STARD5: variants seen among roughly 807,000 people sequenced by gnomAD.
STARD5 encodes StAR related lipid transfer domain containing 5.
STARD5 carries 26 observed loss-of-function variants against 24.6 expected under a neutral mutation model. That is an observed-to-expected ratio of 1.06 (90% CI 0.77 to 1.47). The LOEUF is 1.47. Ranked by LOEUF, STARD5 falls within the 40% of genes most tolerant of loss-of-function variation. The probability of loss-of-function intolerance (pLI) is 0.00; values close to 1 mark genes in which losing one functional copy is unlikely to be tolerated. For synonymous variants in STARD5, 101 were observed against 99.7 expected, an observed-to-expected ratio of 1.01 and a Z score of -0.07; for missense variants, 254 against 270.8, an observed-to-expected ratio of 0.94 and a Z score of 0.44.
At position 81,309,889 on chromosome 15, in the gene STARD5, C is replaced by G. The variant is rs1223062138; in HGVS notation, c.*3367G>C. ...TTGATAAGAGGGCACACACTGTGTA[C>G]AGTAAATGGCTTATCCAGCTGGTGA... On this transcript the variant is annotated 3_prime_UTR_variant, in exon 6 of 6. Coordinates refer to ENST00000302824, the MANE Select transcript of STARD5 (RefSeq NM_181900.3). 1.3e-5 allele frequency: 2 copies of G among 152,262 alleles called. No individual in the cohort carries two copies. 9.4% of individuals were successfully genotyped at this position (152,262 alleles called of 1,614,324 possible).
At chr15:81,317,235 T>C (rs566385943) in intron 5 of STARD5, among the ~76,000 whole-genome samples, 4 of 149,690 alleles carry the variant, frequency 2.7e-5, no homozygotes, top group Admixed American at 6.7e-5. Flanking sequence ...CTTTGCTACC[T>C]GGCATGAGGG....
chr15:81,323,693 A>G (rs1166046731), intron 1 of STARD5: 1 of 928,498 alleles, frequency 1.1e-6, no homozygotes, highest in Non-Finnish European at 1.7e-6. Context: ...TACCCCTTAA[A>G]TGCAATTTAT....
At chr15:81,317,493 G>A (rs773709261) in intron 5 of STARD5, among the ~76,000 whole-genome samples, 4 of 152,210 alleles carry the variant, frequency 2.6e-5, no homozygotes, top group Non-Finnish European at 5.9e-5. Flanking sequence ...GTATGTCTGT[G>A]TGTGGTAGAG....
At chr15:81,321,158 TC>T (rs1901186997) in intron 3 of STARD5, among the ~76,000 whole-genome samples, 1 of 152,218 alleles carries the variant, frequency 6.6e-6, no homozygotes, top group Non-Finnish European at 1.5e-5. Context: ...TTGTATCTTT[TC>T]ATGGGCTTAT....
Position 81,319,413 on chromosome 15 carries a change from T to C in STARD5, c.326A>G (p.Lys109Arg). 6.2e-7 allele frequency: 1 copy of C among 1,614,174 alleles called. No individual in the cohort carries two copies. Among genetic ancestry groups the C allele is most frequent in the South Asian group, 1.1e-5 (1 of 91,082 alleles). Residue 109 changes from lysine (K) to arginine (R), a missense_variant, in exon 4 of 6, where the codon AAG (lysine) becomes AGG (arginine). Lys to Arg is a conservative substitution (Grantham distance 26). Transcript: ENST00000302824. Reference protein sequence around the residue: ...SRTSTPSAAMKLISPRDFVDL... With the variant: ...SRTSTPSAAMRLISPRDFVDL... ...CACAAAATCTCTGGGAGAAATGAGC[T>C]TCATGGCAGCGGAGGGAGTGGAGGT...
In STARD5 at chr15:81,312,941, C is replaced by T. The variant is rs141019035; in HGVS notation, c.*315G>A. On this transcript the variant is annotated 3_prime_UTR_variant, in exon 6 of 6. Transcript: ENST00000302824. ...ATAAAGCCTTGGTGCCAGAGTGCAT[C>T]GCATGGTGTCCAGGCCGAGTCTCTG... 2.8e-3 allele frequency: 498 copies of T among 178,890 alleles called. 1 individual carries two copies. Among genetic ancestry groups the T allele is most frequent in the African/African-American group, 0.011 (465 of 42,514 alleles). 11.1% of individuals were successfully genotyped at this position (178,890 alleles called of 1,614,324 possible).
intron 4 of STARD5, among the ~76,000 whole-genome samples, chr15:81,319,106 AG>A (rs11427228): frequency 6.6e-6 from 1 of 151,064 alleles, no homozygotes; most frequent in Non-Finnish European, 1.5e-5. Flanking sequence ...AAAAAAAAAA[AG>A]GGGCACTGGC....
At chr15:81,320,276 G>A (rs1404834957) in intron 3 of STARD5, among the ~76,000 whole-genome samples, 4 of 152,196 alleles carry the variant, frequency 2.6e-5, no homozygotes, top group Non-Finnish European at 5.9e-5. Flanking sequence ...TTGGGGCATC[G>A]TGTGTTGCTG....
chr15:81,323,970 G>A, intron 1 of STARD5, 31 bp downstream of exon 1: 1 of 1,561,802 alleles, frequency 6.4e-7, no homozygotes, highest in Non-Finnish European at 8.7e-7. Flanking sequence ...AGCCGTCTCC[G>A]CGACCCCTTC....
rs2141664588 is a variant in STARD5 at position 81,312,291 on chromosome 15, C to G, written c.*965G>C. 6.6e-6 allele frequency: 1 copy of G among 152,346 alleles called. No homozygotes were observed. Among genetic ancestry groups the G allele is most frequent in the East Asian group, 1.9e-4 (1 of 5,188 alleles). 9.4% of individuals were successfully genotyped at this position (152,346 alleles called of 1,614,324 possible). On this transcript the variant is annotated 3_prime_UTR_variant, in exon 6 of 6. Coordinates refer to ENST00000302824, the MANE Select transcript of STARD5 (RefSeq NM_181900.3). ...TGGACATGGCCCCTGTGAGTTTGTA[C>G]AGTCTTGCAGCAGGATCTAGAGGGG...
At chr15:81,319,106 A>AAG (rs575097947) in intron 4 of STARD5, among the ~76,000 whole-genome samples, 15 of 151,156 alleles carry the variant, frequency 9.9e-5, no homozygotes, top group African/African-American at 2.7e-4. Context: ...AAAAAAAAAA[A>AAG]GGGGCACTGG....
Position 81,322,473 on chromosome 15 carries a change from C to CA in STARD5, c.216dup (p.Gly73TrpfsTer9), listed in dbSNP as rs769762085. ...TCATCCCACTTCACTCGTAGGCCTC[C>CA]AACAGCTGGCTTCACACAGTCCCAC... On this transcript the variant is annotated frameshift_variant, in exon 3 of 6. Transcript: ENST00000302824. LOFTEE classifies it high-confidence loss of function. 1 of 1,614,092 alleles carries CA rather than the reference C, an allele frequency of 6.2e-7. No individual in the cohort carries two copies. Among genetic ancestry groups the CA allele is most frequent in the Non-Finnish European group, 8.5e-7 (1 of 1,180,056 alleles).
intron 4 of STARD5, 68 bp downstream of exon 4, chr15:81,319,271 C>G: frequency 2.2e-6 from 3 of 1,359,786 alleles, no homozygotes; most frequent in Non-Finnish European, 3.2e-6. Context: ...CCTTAAGGAA[C>G]TGTGGGGTGC....
chr15:81,314,908 A>AAAAAAAAAAAAAAC (rs1567054860), intron 5 of STARD5, among the ~76,000 whole-genome samples: 10 of 146,168 alleles, frequency 6.8e-5, no homozygotes, highest in Non-Finnish European at 1.1e-4. Context: ...AAAAAAAAAA[A>AAAAAAAAAAAAAAC]AAAAAAAGAA....
chr15:81,313,581 G>A, intron 5 of STARD5, 178 bp from the exon 6 acceptor site: 1 of 475,484 alleles, frequency 2.1e-6, no homozygotes, highest in Non-Finnish European at 3.4e-6. Flanking sequence ...TTTCAGGATG[G>A]AAACCCATCC....
In STARD5 at chr15:81,310,786, G is replaced by C. The variant is rs1320900580; in HGVS notation, c.*2470C>G. The C allele has an allele frequency of 6.6e-6, 1 of 152,304 alleles. No homozygotes were observed. The highest frequency in any genetic ancestry group is 6.5e-5 in the Admixed American group (1 of 15,282). 9.4% of individuals were successfully genotyped at this position (152,304 alleles called of 1,614,324 possible). A position where few individuals can be genotyped will look rare whatever the true frequency, so the allele number is the denominator to read the frequency against. On this transcript the variant is annotated 3_prime_UTR_variant, in exon 6 of 6. Coordinates refer to ENST00000302824, the MANE Select transcript of STARD5 (RefSeq NM_181900.3). ...CATCAAGACTGGAAGGTGGGGACAG[G>C]GATGAGCATGGAGCTGGCCGTGGGC... is the stretch of plus-strand genomic sequence containing the variant.
In STARD5 at chr15:81,313,026, G is replaced by A. The variant is rs984810993; in HGVS notation, c.*230C>T. On this transcript the variant is annotated 3_prime_UTR_variant, in exon 6 of 6. Coordinates refer to ENST00000302824, the MANE Select transcript of STARD5 (RefSeq NM_181900.3). Reference sequence around the variant, plus strand: ...GAGAGGCGTGTTTGGGTAACAGGCAGATGGAGTTTGGAACACATGAATGGC... The same window carrying A: ...GAGAGGCGTGTTTGGGTAACAGGCAAATGGAGTTTGGAACACATGAATGGC... The A allele has an allele frequency of 5.6e-6, 2 of 356,176 alleles. No homozygotes were observed. Among genetic ancestry groups the A allele is most frequent in the African/African-American group, 4.3e-5 (2 of 47,032 alleles). The allele number at this position is 356,176 out of a possible 1,614,324, so 22.1% of individuals were successfully genotyped here.
In STARD5 at chr15:81,311,815, G is replaced by C. The variant is rs1486345379; in HGVS notation, c.*1441C>G. On this transcript the variant is annotated 3_prime_UTR_variant, in exon 6 of 6. Coordinates refer to ENST00000302824, the MANE Select transcript of STARD5 (RefSeq NM_181900.3). The stretch of plus-strand genomic sequence containing the variant: ...AGAGTCTGATGATTTCTTGAAAAGG[G>C]TGTTAGCTAAAGGATCTTAGGCATG... The C allele has an allele frequency of 6.6e-6, 1 of 152,170 alleles. No homozygotes were observed. 9.4% of individuals were successfully genotyped at this position (152,170 alleles called of 1,614,324 possible). A position where few individuals can be genotyped will look rare whatever the true frequency, so the allele number is the denominator to read the frequency against.
At position 81,309,880 on chromosome 15, in the gene STARD5, C is replaced by G. The variant is rs1330886364; in HGVS notation, c.*3376G>C. On this transcript the variant is annotated 3_prime_UTR_variant, in exon 6 of 6. Transcript: ENST00000302824. ...GCCAATGTATTGATAAGAGGGCACA[C>G]ACTGTGTACAGTAAATGGCTTATCC... 1 of 152,252 alleles carries G rather than the reference C, an allele frequency of 6.6e-6. No homozygotes were observed. The highest frequency in any genetic ancestry group is 2.4e-5 in the African/African-American group (1 of 41,458). The allele number at this position is 152,252 out of a possible 1,614,324, so 9.4% of individuals were successfully genotyped here. A position where few individuals can be genotyped will look rare whatever the true frequency, so the allele number is the denominator to read the frequency against.
Sources: gnomAD v4.1 joint callset for allele counts (sites outside exome capture counted in the v4.1 genomes callset) on GRCh38, gnomAD v4.1.1 for gene constraint, MANE v1.5 for transcripts, NCBI Gene and HGNC (gene_info 2026-07-23, HGNC 2026-07-21) for gene names.